RAB5C: variants seen among roughly 807,000 people sequenced by gnomAD.
RAB5C encodes ras-related protein Rab-5C.
RAB5C carries 4 observed loss-of-function variants against 25.2 expected under a neutral mutation model. That is an observed-to-expected ratio of 0.16 (90% CI 0.08 to 0.36). The LOEUF is 0.36. Ranked by LOEUF, RAB5C falls within the 10% of genes least tolerant of loss-of-function variation. RAB5C has a pLI of 1.00. For synonymous variants in RAB5C, 100 were observed against 106.4 expected (o/e 0.94, Z 0.37); for missense variants, 199 against 283.8 (o/e 0.70, Z 2.15).
chr17:42,130,999 C>T (rs2054479843), intron 1 of RAB5C, among the ~76,000 whole-genome samples: 1 of 152,134 alleles, frequency 6.6e-6, no homozygotes, highest in African/African-American at 2.4e-5. Flanking sequence ...CTCAGGAAGA[C>T]ACTAGGATTT....
chr17:42,146,853 A>C (rs769289210), intron 1 of RAB5C, among the ~76,000 whole-genome samples: 20 of 151,736 alleles, frequency 1.3e-4, no homozygotes, highest in Non-Finnish European at 2.1e-4. Context: ...AAAAGTACAA[A>C]AAATTAGCCA....
intron 1 of RAB5C, among the ~76,000 whole-genome samples, chr17:42,149,883 T>G (rs1237284911): frequency 6.7e-6 from 1 of 149,766 alleles, no homozygotes. Context: ...CTGGTTTTTT[T>G]TTTTTTTTTT....
chr17:42,133,785 GTC>G (rs1235993702), intron 1 of RAB5C, among the ~76,000 whole-genome samples: 1 of 152,234 alleles, frequency 6.6e-6, no homozygotes, highest in Non-Finnish European at 1.5e-5. Flanking sequence ...TTTGCCAGCT[GTC>G]TCACACACAT....
intron 3 of RAB5C, 99 bp downstream of exon 3, chr17:42,128,550 A>C: frequency 4.8e-5 from 27 of 567,836 alleles, no homozygotes; most frequent in South Asian, 6.4e-5. Flanking sequence ...CCACCCAGGA[A>C]CAGAGGGTTA....
chr17:42,129,465 T>C (rs934733894), intron 2 of RAB5C, among the ~76,000 whole-genome samples: 2 of 152,296 alleles, frequency 1.3e-5, no homozygotes, highest in East Asian at 3.9e-4. Flanking sequence ...CTTAGGGGAA[T>C]GCAGGGTGCC....
At chr17:42,143,159 C>T (rs2079612685) in intron 1 of RAB5C, among the ~76,000 whole-genome samples, 1 of 152,182 alleles carries the variant, frequency 6.6e-6, no homozygotes, top group African/African-American at 2.4e-5. Context: ...GGGTAGATTT[C>T]CCAGGTCCAC....
intron 1 of RAB5C, among the ~76,000 whole-genome samples, chr17:42,151,416 G>T (rs189279159): frequency 6.6e-6 from 1 of 151,302 alleles, no homozygotes; most frequent in Non-Finnish European, 1.5e-5. Context: ...CAGCCTAGGC[G>T]ACAGAGCGAG....
intron 4 of RAB5C, among the ~76,000 whole-genome samples, chr17:42,127,756 T>C (rs1278534971): frequency 6.6e-6 from 1 of 151,464 alleles, no homozygotes; most frequent in Admixed American, 6.6e-5. Flanking sequence ...CTCGAACTCC[T>C]AAGCTCAAGT....
At chr17:42,149,520 G>A (rs920507350) in intron 1 of RAB5C, among the ~76,000 whole-genome samples, 1 of 152,004 alleles carries the variant, frequency 6.6e-6, no homozygotes, top group East Asian at 1.9e-4. Flanking sequence ...AGATCAAGGC[G>A]GAAGTAAGCC....
intron 1 of RAB5C, among the ~76,000 whole-genome samples, chr17:42,134,688 T>C (rs182033635): frequency 9.2e-5 from 14 of 152,342 alleles, no homozygotes; most frequent in Non-Finnish European, 2.1e-4. Flanking sequence ...AACCCTGGCT[T>C]GTTCAGAGGC....
intron 1 of RAB5C, among the ~76,000 whole-genome samples, chr17:42,151,248 A>G (rs1247739989): frequency 6.6e-6 from 1 of 152,194 alleles, no homozygotes; most frequent in Non-Finnish European, 1.5e-5. Context: ...CATCCTGGCT[A>G]ACACGGCGGA....
rs188383174 is a variant in RAB5C, at chr17:42,146,497, T to C, written c.-89+8396A>G. ...CAGGCACAGTGGCTCACACCTGTAA[T>C]CCCAGCACTTTCAGAGGCCAAGGCA... On this transcript the variant is annotated intron_variant, in intron 1 of 5. Transcript: ENST00000346213. Among the ~76,000 whole-genome samples, 531 of 152,304 alleles carry C rather than the reference T, an allele frequency of 3.5e-3. 2 individuals are homozygous for C. Among genetic ancestry groups the C allele is most frequent in the Non-Finnish European group, 5.3e-3 (358 of 68,024 alleles).
intron 1 of RAB5C, among the ~76,000 whole-genome samples, chr17:42,141,503 G>A (rs923162807): frequency 6.6e-6 from 1 of 152,154 alleles, no homozygotes; most frequent in Non-Finnish European, 1.5e-5. Context: ...AAGTGAACGG[G>A]GGAAGTTGAG....
In RAB5C at chr17:42,140,527, T is replaced by A. The variant is rs1272454592; in HGVS notation, c.-88-9937A>T. Among the ~76,000 whole-genome samples, 313 of 66,224 alleles carry A rather than the reference T, an allele frequency of 4.7e-3. 5 individuals are homozygous for A. The highest frequency in any genetic ancestry group is 0.032 in the African/African-American group (302 of 9,472). The allele number at this position is 66,224 out of a possible 152,430, so 43.4% of individuals were successfully genotyped here. A position where few individuals can be genotyped will look rare whatever the true frequency, so the allele number is the denominator to read the frequency against. ...TATATATATATATATTTTTTTTTTT[T>A]TTTTTTTTTTTTTTGAGATGGAGTC... On this transcript the variant is annotated intron_variant, in intron 1 of 5. Coordinates refer to ENST00000346213, the MANE Select transcript of RAB5C (RefSeq NM_004583.4).
At chr17:42,147,136 AAGAAAGAAAGAGAGAG>A (rs1391934022) in intron 1 of RAB5C, among the ~76,000 whole-genome samples, 6 of 124,638 alleles carry the variant, frequency 4.8e-5, no homozygotes, top group Non-Finnish European at 6.2e-5. Context: ...GAAAGAAAGA[AAGAAAGAAAGAGAGAG>A]AGAGAGAGAG....
At chr17:42,147,164 GAGAGAGAA>G (rs1198585023) in intron 1 of RAB5C, among the ~76,000 whole-genome samples, 1 of 145,284 alleles carries the variant, frequency 6.9e-6, no homozygotes, top group East Asian at 2.0e-4. Flanking sequence ...GAGAGAGAGA[GAGAGAGAA>G]AGAAAGAAAG....
intron 1 of RAB5C, among the ~76,000 whole-genome samples, chr17:42,144,710 C>T (rs1330708193): frequency 2.0e-5 from 3 of 151,670 alleles, no homozygotes; most frequent in Admixed American, 1.3e-4. Flanking sequence ...GGGCGGATCA[C>T]GAGGTCAGGA....
rs1040982034 is a variant in RAB5C, at chr17:42,152,456, G to A, written c.-89+2437C>T. 5.9e-5 allele frequency among the ~76,000 whole-genome samples: 9 copies of A among 152,164 alleles called. No homozygotes were observed. The East Asian group carries it at 1.4e-3, about 23-fold the overall frequency. On this transcript the variant is annotated intron_variant, in intron 1 of 5. Transcript: ENST00000346213. ...GACCCAAAGCACTGGGGCCTGCCTC[G>A]TCTCTCTAAATGGCAGAGCTTCCCC...
At chr17:42,142,812 C>T (rs1427772459) in intron 1 of RAB5C, among the ~76,000 whole-genome samples, 1 of 152,188 alleles carries the variant, frequency 6.6e-6, no homozygotes, top group Non-Finnish European at 1.5e-5. Flanking sequence ...GACAGCCTAC[C>T]CTGAGCCCGC....
Sources: allele counts gnomAD v4.1 joint callset (sites outside exome capture counted in the v4.1 genomes callset), GRCh38; gene constraint gnomAD v4.1.1; transcripts MANE v1.5; gene names NCBI Gene and HGNC (gene_info 2026-07-23, HGNC 2026-07-21).